FRAS1: variants seen among roughly 807,000 people sequenced by gnomAD.
The protein encoded by FRAS1 is Fraser extracellular matrix complex subunit 1, also known as extracellular matrix organizing protein FRAS1.
A neutral mutation model predicts 435.2 loss-of-function variants in FRAS1; 290 were observed. That is an observed-to-expected ratio of 0.67 (90% confidence interval 0.61 to 0.73). FRAS1 has a LOEUF of 0.73. FRAS1 is among the 30% of genes least tolerant of loss of function. The pLI, the probability that FRAS1 is intolerant of heterozygous loss-of-function variation, is 0.00. For synonymous variants in FRAS1, 1,800 were observed against 1,851.0 expected (o/e 0.97, Z 0.71); for missense variants, 4,860 against 5,001.5 (o/e 0.97, Z 0.85).
chr4:78,393,557 T>G (rs1732535086), intron 29 of FRAS1, among the ~76,000 whole-genome samples: 1 of 152,098 alleles, frequency 6.6e-6, no homozygotes, highest in Non-Finnish European at 1.5e-5. Flanking sequence ...TCTGGCTTAT[T>G]TTGCCTGGCA....
chr4:78,336,766 T>C (rs1468781058), intron 19 of FRAS1, among the ~76,000 whole-genome samples: 1 of 152,208 alleles, frequency 6.6e-6, no homozygotes, highest in Non-Finnish European at 1.5e-5. Flanking sequence ...CATCAGTTCC[T>C]GCAAAATCTA....
intron 1 of FRAS1, among the ~76,000 whole-genome samples, chr4:78,062,651 T>C (rs747861477): frequency 2.0e-5 from 3 of 152,198 alleles, no homozygotes; most frequent in Non-Finnish European, 4.4e-5. Context: ...CTAGATTTTA[T>C]ACAGTCATCT....
intron 29 of FRAS1, among the ~76,000 whole-genome samples, chr4:78,392,139 C>T (rs1213289588): frequency 6.6e-6 from 1 of 152,112 alleles, no homozygotes; most frequent in African/African-American, 2.4e-5. Context: ...GGCTCATATA[C>T]ACATTGACAA....
chr4:78,266,885 G>A lies in FRAS1; in HGVS notation c.739G>A (p.Gly247Ser). ...CTGCACCACGTGTATATGTGACCGG[G>A]GTGAGGTCAGGTGTCACAAGCAGGC... ...NACTTCICDR[G>S]EVRCHKQACL... is the part of the protein sequence containing the mutation. The change falls in exon 8 of 74, where the codon GGT becomes AGT. Residue 247 changes from glycine (G) to serine (S), a missense_variant. Physicochemically the swap from Gly to Ser is moderately conservative, Grantham distance 56. Coordinates refer to ENST00000512123, the MANE Select transcript of FRAS1 (RefSeq NM_025074.7). 1 of 1,608,274 alleles carries A rather than the reference G, an allele frequency of 6.2e-7. No homozygotes were observed. The highest frequency in any genetic ancestry group is 8.5e-7 in the Non-Finnish European group (1 of 1,177,354).
At position 78,266,580 on chromosome 4, in the gene FRAS1, T is replaced by C. The variant is rs140102695; in HGVS notation, c.688-254T>C. ...CATCTCAATGTCTCGGGTCTCTATGTGCCTGGCACAGAGTGGGCCCTCAAC... is the reference window on the plus strand; with the variant it reads ...CATCTCAATGTCTCGGGTCTCTATGCGCCTGGCACAGAGTGGGCCCTCAAC... On this transcript the variant is annotated intron_variant, in intron 7 of 73. Coordinates refer to ENST00000512123, the MANE Select transcript of FRAS1 (RefSeq NM_025074.7). 4.7e-4 allele frequency among the ~76,000 whole-genome samples: 71 copies of C among 152,386 alleles called. 1 individual carries two copies. The highest frequency in any genetic ancestry group is 1.6e-3 in the African/African-American group (68 of 41,606).
intron 2 of FRAS1, among the ~76,000 whole-genome samples, chr4:78,186,975 T>C (rs915806478): frequency 6.6e-6 from 1 of 152,218 alleles, no homozygotes; most frequent in African/African-American, 2.4e-5. Context: ...TTTACTTTAG[T>C]TTTTTCCAAA....
intron 2 of FRAS1, among the ~76,000 whole-genome samples, chr4:78,193,910 T>C (rs1055363909): frequency 2.0e-5 from 3 of 152,350 alleles, no homozygotes; most frequent in East Asian, 1.9e-4. Flanking sequence ...TGGCTGGTAC[T>C]GGTTGTTCCT....
intron 32 of FRAS1, among the ~76,000 whole-genome samples, chr4:78,417,164 A>T (rs986293151): frequency 6.6e-6 from 1 of 152,132 alleles, no homozygotes. Flanking sequence ...AGTCCTTTTT[A>T]TATGTAGTAT....
In FRAS1 at chr4:78,341,512, G is replaced by A. The variant is rs191537561; in HGVS notation, c.2422+3695G>A. On this transcript the variant is annotated intron_variant, in intron 20 of 73. Transcript: ENST00000512123. ...CCTCTAATGAGAACGTTGCTGAGGG[G>A]ATAAAGAGAAGGGGTCACGATTTCA... 7.0e-4 allele frequency among the ~76,000 whole-genome samples: 107 copies of A among 152,270 alleles called. 1 individual carries two copies. In the Middle Eastern group the frequency reaches 0.027, roughly 39 times the overall value.
intron 2 of FRAS1, among the ~76,000 whole-genome samples, chr4:78,151,732 C>T (rs1720672411): frequency 6.6e-6 from 1 of 152,022 alleles, no homozygotes; most frequent in Admixed American, 6.6e-5. Context: ...TGCAGACTTA[C>T]AAAAGAAAAA....
At chr4:78,400,343 C>T (rs1339896041) in intron 29 of FRAS1, among the ~76,000 whole-genome samples, 3 of 152,148 alleles carry the variant, frequency 2.0e-5, no homozygotes, top group Non-Finnish European at 2.9e-5. Flanking sequence ...GGTTTTGCTT[C>T]AGACATCTTG....
At chr4:78,393,370 T>G (rs150224192) in intron 29 of FRAS1, among the ~76,000 whole-genome samples, 1 of 151,216 alleles carries the variant, frequency 6.6e-6, no homozygotes, top group East Asian at 1.9e-4. Flanking sequence ...CCATAAGGGT[T>G]ACATAAAATA....
intron 2 of FRAS1, among the ~76,000 whole-genome samples, chr4:78,190,040 T>G (rs1305123530): frequency 6.6e-6 from 1 of 152,240 alleles, no homozygotes; most frequent in African/African-American, 2.4e-5. Context: ...CATCCTTTCC[T>G]GGCCGCAGAA....
rs148509395 is a variant in FRAS1 at position 78,266,922 on chromosome 4, T to G, written c.776T>G (p.Leu259Arg). ...VRCHKQACLP[L>R]RCGKGQSRAR... ...TGTCACAAGCAGGCCTGCCTGCCCC[T>G]GAGATGCGGAAAGGTATTTGAGAGT... Residue 259 changes from leucine (L) to arginine (R), a missense_variant, in exon 8 of 74, where the codon CTG becomes CGG. Coordinates refer to ENST00000512123, the MANE Select transcript of FRAS1 (RefSeq NM_025074.7). 4.1e-3 allele frequency: 6,555 copies of G among 1,603,920 alleles called. 36 individuals carry two copies. Among genetic ancestry groups the G allele is most frequent in the South Asian group, 0.013 (1,156 of 88,834 alleles).
At chr4:78,400,635 C>G (rs527364229) in intron 29 of FRAS1, 99 bp from the exon 30 acceptor site, 1 of 1,194,006 alleles carries the variant, frequency 8.4e-7, no homozygotes, top group Non-Finnish European at 1.2e-6. Context: ...TCTTATTAGA[C>G]GATCTTTAAC....
intron 2 of FRAS1, among the ~76,000 whole-genome samples, chr4:78,115,903 T>G (rs1280392347): frequency 2.6e-5 from 4 of 152,196 alleles, no homozygotes; most frequent in Non-Finnish European, 4.4e-5. Context: ...GCTTCTCTAG[T>G]TGTTTTAATT....
At chr4:78,062,855 G>T (rs557396007) in intron 1 of FRAS1, among the ~76,000 whole-genome samples, 11 of 152,264 alleles carry the variant, frequency 7.2e-5, no homozygotes, top group Non-Finnish European at 1.3e-4. Flanking sequence ...AAAACTTTAT[G>T]CTCTTTCTCA....
intron 20 of FRAS1, among the ~76,000 whole-genome samples, chr4:78,355,913 A>T (rs1184275205): frequency 1.3e-5 from 2 of 152,200 alleles, no homozygotes; most frequent in Non-Finnish European, 2.9e-5. Flanking sequence ...CCCATCAAAG[A>T]TCTGAATTAG....
intron 2 of FRAS1, among the ~76,000 whole-genome samples, chr4:78,236,335 A>C (rs1452255648): frequency 1.3e-5 from 2 of 151,296 alleles, no homozygotes; most frequent in Non-Finnish European, 2.9e-5. Flanking sequence ...TTTTTTTAAA[A>C]TTTTTTATTT....
Sources: allele counts gnomAD v4.1 joint callset (sites outside exome capture counted in the v4.1 genomes callset), GRCh38; gene constraint gnomAD v4.1.1; transcripts MANE v1.5; gene names NCBI Gene and HGNC (gene_info 2026-07-23, HGNC 2026-07-21).